Variants in PRR16 observed in about 807,000 individuals in gnomAD.
The protein encoded by PRR16 is proline rich 16, also known as protein Largen.
A neutral mutation model predicts 18.2 loss-of-function variants in PRR16; 6 were observed. The ratio of observed to expected loss-of-function variants is 0.33; its 90% CI spans 0.18 to 0.65. The LOEUF (loss-of-function observed/expected upper bound fraction) is 0.65, where lower values mean the gene tolerates loss of function less well. Ranked by LOEUF, PRR16 falls within the 30% of genes least tolerant of loss-of-function variation. PRR16 has a pLI of 0.74. For missense variants in PRR16, 412 were observed against 376.6 expected, an observed-to-expected ratio of 1.09 and a Z score of -0.78; for synonymous variants, 151 against 147.8, an observed-to-expected ratio of 1.02 and a Z score of -0.16.
the PRR16 span, among the ~76,000 whole-genome samples, chr5:120,754,240 T>TATATA: frequency 4.8e-5 from 5 of 103,512 alleles, no homozygotes; most frequent in Admixed American, 1.5e-4. Flanking sequence ...TAATATATAA[T>TATATA]TAGATATTAT....
At chr5:120,753,837 A>G in the PRR16 span, among the ~76,000 whole-genome samples, 1 of 128,870 alleles carries the variant, frequency 7.8e-6, no homozygotes, top group Non-Finnish European at 1.6e-5. Flanking sequence ...TATAATATAT[A>G]TAACTTATAT....
In PRR16 at chr5:120,558,752, A is replaced by T. The variant is rs569728065; in HGVS notation, c.159+94107A>T. 5.3e-5 allele frequency among the ~76,000 whole-genome samples: 8 copies of T among 152,104 alleles called. No homozygotes were observed. In the South Asian group the frequency reaches 1.7e-3, roughly 31 times the overall value. On this transcript the variant is annotated intron_variant, in intron 1 of 1. Coordinates refer to ENST00000407149, the MANE Select transcript of PRR16 (RefSeq NM_001300783.2). The stretch of plus-strand genomic sequence containing the variant: ...TTCTCCATGGTGGTCATACTAATTT[A>T]CATTCCCACCAACAGTGTACCAGTG...
the PRR16 span, among the ~76,000 whole-genome samples, chr5:120,766,230 G>C: frequency 6.6e-6 from 1 of 152,014 alleles, no homozygotes; most frequent in African/African-American, 2.4e-5. Flanking sequence ...CAGCATTCCA[G>C]GGTTCTGGTT....
the PRR16 span, among the ~76,000 whole-genome samples, chr5:120,754,201 TTATAA>T: frequency 1.1e-5 from 1 of 95,012 alleles, no homozygotes; most frequent in Non-Finnish European, 1.9e-5. Flanking sequence ...TAATTATATA[TTATAA>T]ATTATATATT....
chr5:120,665,350 G>C (rs1456291326), intron 1 of PRR16, among the ~76,000 whole-genome samples: 2 of 151,866 alleles, frequency 1.3e-5, no homozygotes, highest in African/African-American at 4.8e-5. Context: ...GTAGATTCTG[G>C]ATATTAGCCC....
chr5:120,655,442 A>G lies in PRR16; in HGVS notation c.160-30512A>G, dbSNP rs1470201101. 5.9e-5 allele frequency among the ~76,000 whole-genome samples: 9 copies of G among 151,454 alleles called. No homozygotes were observed. In the East Asian group the frequency reaches 1.7e-3, roughly 29 times the overall value. ...ATAGTTTAGCGTCAAAATAAAGCAT[A>G]AAAAGAGATGGACCTATTATTATAG... is the stretch of plus-strand genomic sequence containing the variant. On this transcript the variant is annotated intron_variant, in intron 1 of 1. Transcript: ENST00000407149.
chr5:120,466,666 C>A (rs1405253992), intron 1 of PRR16, among the ~76,000 whole-genome samples: 1 of 152,060 alleles, frequency 6.6e-6, no homozygotes, highest in African/African-American at 2.4e-5. Context: ...ATACCACTTT[C>A]TGTGTCTTCA....
At chr5:120,788,585 C>T in the PRR16 span, among the ~76,000 whole-genome samples, 1 of 151,960 alleles carries the variant, frequency 6.6e-6, no homozygotes, top group Admixed American at 6.6e-5. Flanking sequence ...CTAGATGATA[C>T]AAAAATGGCA....
intron 1 of PRR16, among the ~76,000 whole-genome samples, chr5:120,665,194 T>C (rs1385885642): frequency 7.1e-6 from 1 of 139,954 alleles, no homozygotes; most frequent in African/African-American, 2.6e-5. Context: ...GATTTGCATT[T>C]CTCTGATGGC....
At chr5:120,679,922 A>G (rs1342189826) in intron 1 of PRR16, among the ~76,000 whole-genome samples, 4 of 152,156 alleles carry the variant, frequency 2.6e-5, no homozygotes, top group African/African-American at 4.8e-5. Flanking sequence ...GAAAGATTTA[A>G]TGTACAATAT....
At chr5:120,512,189 G>C (rs527674423) in intron 1 of PRR16, among the ~76,000 whole-genome samples, 20 of 87,060 alleles carry the variant, frequency 2.3e-4, no homozygotes, top group African/African-American at 1.4e-3. Context: ...TTCCCCTCCA[G>C]ATACAGAGAT....
chr5:120,596,729 A>C (rs1044148224), intron 1 of PRR16, among the ~76,000 whole-genome samples: 14 of 151,818 alleles, frequency 9.2e-5, no homozygotes, highest in Admixed American at 7.9e-4. Flanking sequence ...CTGCATGTTA[A>C]CCAAATCCTC....
At chr5:120,549,299 C>T (rs1752178148) in intron 1 of PRR16, among the ~76,000 whole-genome samples, 1 of 152,002 alleles carries the variant, frequency 6.6e-6, no homozygotes. Flanking sequence ...GGCATATCGC[C>T]ATGGTCTTAA....
intron 1 of PRR16, among the ~76,000 whole-genome samples, chr5:120,568,210 G>A (rs895210723): frequency 2.6e-5 from 4 of 152,140 alleles, no homozygotes; most frequent in African/African-American, 9.7e-5. Flanking sequence ...GATTGCAAAG[G>A]CAGATACATG....
the PRR16 span, among the ~76,000 whole-genome samples, chr5:120,764,949 C>T: frequency 6.6e-6 from 1 of 151,968 alleles, no homozygotes; most frequent in African/African-American, 2.4e-5. Context: ...CTGTGTTGAT[C>T]ATTTCTCCTT....
rs1218812336 is a variant in PRR16 at position 120,574,674 on chromosome 5, C to G, written c.159+110029C>G. 6.0e-5 allele frequency among the ~76,000 whole-genome samples: 9 copies of G among 148,976 alleles called. 2 individuals are homozygous for G. The highest frequency in any genetic ancestry group is 2.3e-4 in the African/African-American group (9 of 38,446). ...AAATATATGAAACAGTACTCAATTTCATTAGTCAAAGAGAAATGCAAATTA... is the reference window on the plus strand; with the variant it reads ...AAATATATGAAACAGTACTCAATTTGATTAGTCAAAGAGAAATGCAAATTA... On this transcript the variant is annotated intron_variant, in intron 1 of 1. Coordinates refer to ENST00000407149, the MANE Select transcript of PRR16 (RefSeq NM_001300783.2).
intron 1 of PRR16, among the ~76,000 whole-genome samples, chr5:120,484,667 T>G (rs6865123): frequency 0.29 from 42,825 of 146,410 alleles, 7,221 homozygotes; most frequent in African/African-American, 0.47. Flanking sequence ...ATATATATAT[T>G]TTATTCCTAA....
intron 1 of PRR16, among the ~76,000 whole-genome samples, chr5:120,501,267 T>G (rs1400567632): frequency 6.6e-6 from 1 of 152,230 alleles, no homozygotes; most frequent in African/African-American, 2.4e-5. Flanking sequence ...TGGAGAATTC[T>G]ACCATTAATT....
chr5:120,613,371 A>ATT (rs5870901), intron 1 of PRR16, among the ~76,000 whole-genome samples: 2 of 151,372 alleles, frequency 1.3e-5, no homozygotes, highest in Non-Finnish European at 2.9e-5. Context: ...TTCATAATTT[A>ATT]TTTTTTTTCT....
Sources: allele counts gnomAD v4.1 joint callset (sites outside exome capture counted in the v4.1 genomes callset), GRCh38; gene constraint gnomAD v4.1.1; transcripts MANE v1.5; gene names NCBI Gene and HGNC (gene_info 2026-07-23, HGNC 2026-07-21).